STON2: variants seen among roughly 807,000 people sequenced by gnomAD.
STON2 encodes the protein stonin 2.
A neutral mutation model predicts 65.7 loss-of-function variants in STON2; 29 were observed. That is an observed-to-expected ratio of 0.44 (90% CI 0.33 to 0.60). The LOEUF (loss-of-function observed/expected upper bound fraction) is 0.60, where lower values mean the gene tolerates loss of function less well. STON2 is among the 20% of genes least tolerant of loss of function. STON2 has a pLI of 0.03. For synonymous variants in STON2, 404 were observed against 414.2 expected (o/e 0.98, Z 0.30); for missense variants, 1,054 against 1,118.1 (o/e 0.94, Z 0.82).
At chr14:81,376,456 T>C (rs1031816608) in intron 3 of STON2, among the ~76,000 whole-genome samples, 1 of 152,012 alleles carries the variant, frequency 6.6e-6, no homozygotes, top group African/African-American at 2.4e-5. Flanking sequence ...TCCAATAACC[T>C]TGAAATAAAG....
At chr14:81,342,124 G>A (rs1897635283) in intron 4 of STON2, among the ~76,000 whole-genome samples, 2 of 151,924 alleles carry the variant, frequency 1.3e-5, no homozygotes, top group South Asian at 2.1e-4. Flanking sequence ...TAACAACGCA[G>A]AAAGCCATAA....
intron 3 of STON2, among the ~76,000 whole-genome samples, chr14:81,389,266 T>G (rs1480781227): frequency 6.6e-6 from 1 of 152,260 alleles, no homozygotes; most frequent in African/African-American, 2.4e-5. Context: ...GTTCCTTTTT[T>G]TCCTGGCTGA....
At chr14:81,426,151 T>C (rs748234827) in intron 2 of STON2, among the ~76,000 whole-genome samples, 1 of 152,202 alleles carries the variant, frequency 6.6e-6, no homozygotes, top group Non-Finnish European at 1.5e-5. Context: ...GCAAAGAAAC[T>C]GAGTCTCAGA....
chr14:81,362,876 G>A (rs907729329), intron 4 of STON2, among the ~76,000 whole-genome samples: 2 of 152,086 alleles, frequency 1.3e-5, no homozygotes, highest in Admixed American at 1.3e-4. Context: ...AATAGAAGTG[G>A]CTCCTGCTTA....
intron 4 of STON2, among the ~76,000 whole-genome samples, chr14:81,343,559 G>C (rs1029022488): frequency 1.3e-5 from 2 of 151,968 alleles, no homozygotes; most frequent in Non-Finnish European, 2.9e-5. Flanking sequence ...CAGTCAATGA[G>C]AACTGAAAGA....
Position 81,260,853 on chromosome 14 carries a change from A to G in STON2, c.*7561T>C, listed in dbSNP as rs1169556041. The G allele has an allele frequency of 1.3e-5, 2 of 152,090 alleles. No homozygotes were observed. Among genetic ancestry groups the G allele is most frequent in the African/African-American group, 4.8e-5 (2 of 41,412 alleles). The allele number at this position is 152,090 out of a possible 1,614,324, so 9.4% of individuals were successfully genotyped here. A position where few individuals can be genotyped will look rare whatever the true frequency, so the allele number is the denominator to read the frequency against. ...ACAATAGTGCAAGAGGTTACACTGAATGAGAATGGATGATGAATGATGGAA... is the reference window on the plus strand; with the variant it reads ...ACAATAGTGCAAGAGGTTACACTGAGTGAGAATGGATGATGAATGATGGAA... On this transcript the variant is annotated 3_prime_UTR_variant, in exon 8 of 8. Coordinates refer to ENST00000614646, the MANE Select transcript of STON2 (RefSeq NM_001394390.1).
At chr14:81,326,598 A>G (rs1189653876) in intron 4 of STON2, among the ~76,000 whole-genome samples, 1 of 152,220 alleles carries the variant, frequency 6.6e-6, no homozygotes, top group Non-Finnish European at 1.5e-5. Context: ...ATTTGACACA[A>G]TATTAATATA....
At chr14:81,404,593 C>T (rs1037552248), upstream of STON2, among the ~76,000 whole-genome samples, 2 of 152,196 alleles carry the variant, frequency 1.3e-5, no homozygotes, top group African/African-American at 2.4e-5. Context: ...GCCTTGACCT[C>T]TGCAGGCCCA....
intron 6 of STON2, 87 bp downstream of exon 6, chr14:81,276,814 C>A: frequency 6.8e-7 from 1 of 1,478,768 alleles, no homozygotes; most frequent in South Asian, 1.3e-5. Context: ...ACAGCAAAAA[C>A]AAGCACTTCA....
intron 2 of STON2, chr14:81,426,981 T>G (rs981520497): frequency 6.6e-6 from 1 of 152,202 alleles, no homozygotes; most frequent in Non-Finnish European, 1.5e-5. Context: ...TCTCAGACAT[T>G]GATGTCAAAG....
chr14:81,270,218 C>G, intron 7 of STON2: 2 of 396,790 alleles, frequency 5.0e-6, no homozygotes, highest in Non-Finnish European at 6.8e-6. Flanking sequence ...TCCTGAGTAG[C>G]TGGACTACAT....
chr14:81,429,224 T>C (rs769240201), intron 1 of STON2, among the ~76,000 whole-genome samples: 1 of 152,206 alleles, frequency 6.6e-6, no homozygotes, highest in Non-Finnish European at 1.5e-5. Context: ...AGTGTCACCA[T>C]CCTTACGGAG....
intron 5 of STON2, among the ~76,000 whole-genome samples, chr14:81,298,353 C>T (rs371215728): frequency 6.6e-6 from 1 of 150,698 alleles, no homozygotes; most frequent in Non-Finnish European, 1.5e-5. Context: ...CTGTCATCCA[C>T]AGACTAGTCT....
Position 81,277,397 on chromosome 14 carries a change from C to T in STON2, c.2085G>A (p.Lys695=), listed in dbSNP as rs779559203. 2.5e-6 allele frequency: 4 copies of T among 1,614,190 alleles called. No homozygotes were observed. The South Asian group carries it at 4.4e-5, about 18-fold the overall frequency. Residue 695 remains lysine, a synonymous_variant, in exon 6 of 8, where the codon AAG becomes AAA. Transcript: ENST00000614646. ...AACGGCACTCATGGAGCTTGATCCA[C>T]TTTGTGGTGGTGGTGGGCATGATGT... ...RQDIMPTTTT[K]WIKLHECRFH...
chr14:81,282,143 A>C (rs1895149477), intron 5 of STON2, among the ~76,000 whole-genome samples: 1 of 152,248 alleles, frequency 6.6e-6, no homozygotes. Flanking sequence ...TTATTACAGC[A>C]ATGCTTCTAT....
chr14:81,307,884 A>C (rs115962220), intron 5 of STON2, among the ~76,000 whole-genome samples: 1,718 of 152,350 alleles, frequency 0.011, 43 homozygotes, highest in African/African-American at 0.04. Flanking sequence ...ACTTCCAGTC[A>C]ACAGTTGGCT....
In STON2 at chr14:81,263,721, T is replaced by A; in HGVS notation, c.*4693A>T. 1 of 985,306 alleles carries A rather than the reference T, an allele frequency of 1.0e-6. No individual in the cohort carries two copies. The highest frequency in any genetic ancestry group is 1.2e-6 in the Non-Finnish European group (1 of 829,880). 61.0% of individuals were successfully genotyped at this position (985,306 alleles called of 1,614,324 possible). A position where few individuals can be genotyped will look rare whatever the true frequency, so the allele number is the denominator to read the frequency against. On this transcript the variant is annotated 3_prime_UTR_variant, in exon 8 of 8. Transcript: ENST00000614646. ...AGGTCTAGATATGCTGGAATTAACATATAATCCTCATTTTTAGAAGAGTTA... is the reference window on the plus strand; with the variant it reads ...AGGTCTAGATATGCTGGAATTAACAAATAATCCTCATTTTTAGAAGAGTTA...
In STON2 at chr14:81,277,912, G is replaced by C. The variant is rs1175246365; in HGVS notation, c.1570C>G (p.Leu524Val). 6.2e-7 allele frequency: 1 copy of C among 1,614,150 alleles called. No homozygotes were observed. Among genetic ancestry groups the C allele is most frequent in the South Asian group, 1.1e-5 (1 of 91,080 alleles). ...TTGAACTCACGGAATGGTTTTTCTA[G>C]GCCCTGCTCATAATACAGCTGCAGG... ...GYLQLYYEQG[L>V]EKPFREFKLE... Residue 524 changes from leucine to valine, a missense_variant, in exon 6 of 8, where the codon CTA becomes GTA. Leu to Val is a conservative substitution (Grantham distance 32). Transcript: ENST00000614646.
chr14:81,308,760 C>A, intron 5 of STON2, among the ~76,000 whole-genome samples: 1 of 140,902 alleles, frequency 7.1e-6, no homozygotes, highest in African/African-American at 2.6e-5. Flanking sequence ...ACCAAATTCA[C>A]CCAGAGGACA....
Sources: gnomAD v4.1 joint callset for allele counts (sites outside exome capture counted in the v4.1 genomes callset) on GRCh38, gnomAD v4.1.1 for gene constraint, MANE v1.5 for transcripts, NCBI Gene and HGNC (gene_info 2026-07-23, HGNC 2026-07-21) for gene names.